ALOXE3: variants seen among roughly 807,000 people sequenced by gnomAD.
The protein encoded by ALOXE3 is arachidonate epidermal lipoxygenase 3, also known as hydroperoxide isomerase ALOXE3.
Under a neutral mutation model 87.5 loss-of-function variants are expected in ALOXE3, and 78 were observed. The observed-to-expected ratio is 0.89, with a 90% CI of 0.74 to 1.08. The LOEUF (loss-of-function observed/expected upper bound fraction) is 1.08. ALOXE3 is among the 50% of genes least tolerant of loss of function. ALOXE3 has a pLI of 0.00. For synonymous variants in ALOXE3, 363 were observed against 370.8 expected (o/e 0.98, Z 0.24); for missense variants, 946 against 912.4 (o/e 1.04, Z -0.47).
rs1442481924 is a variant in ALOXE3 at position 8,110,377 on chromosome 17, G to A, written c.1101+8C>T. 6.2e-7 allele frequency: 1 copy of A among 1,604,590 alleles called. No homozygotes were observed. The highest frequency in any genetic ancestry group is 2.2e-5 in the East Asian group (1 of 44,662). On this transcript the variant is annotated splice_region_variant and intron_variant, in intron 9 of 15. Transcript: ENST00000448843. ...GCCCCCATCCCGGGGCGGCGGCGCCGGGCTCACCTGGATGGCCAAGGGCAC... is the reference window on the plus strand; with the variant it reads ...GCCCCCATCCCGGGGCGGCGGCGCCAGGCTCACCTGGATGGCCAAGGGCAC...
At chr17:8,103,571 A>C in intron 14 of ALOXE3, 78 bp from the exon 15 acceptor site, 1 of 1,488,912 alleles carries the variant, frequency 6.7e-7, no homozygotes, top group Admixed American at 1.8e-5. Context: ...CCCTGATTCC[A>C]CCTCTGCCGT....
At chr17:8,112,361 G>A (rs1980172012) in intron 6 of ALOXE3, among the ~76,000 whole-genome samples, 165 bp from the exon 7 acceptor site, 1 of 152,130 alleles carries the variant, frequency 6.6e-6, no homozygotes, top group African/African-American at 2.4e-5. Flanking sequence ...AGGCTCTGTG[G>A]CCTCGGAAGA....
In ALOXE3 at chr17:8,109,327, C is replaced by T. The variant is rs755325552; in HGVS notation, c.1409G>A (p.Arg470Lys). 74 of 1,613,970 alleles carry T rather than the reference C, an allele frequency of 4.6e-5. No homozygotes were observed. The highest frequency in any genetic ancestry group is 3.1e-4 in the South Asian group (28 of 91,084). ...GLVDQVTSIGRQGLIYLMSTG... is the reference protein window; with the variant it reads ...GLVDQVTSIGKQGLIYLMSTG... ...GCTCATGAGGTAGATGAGGCCTTGC[C>T]TCCCGATGGACGTGACCTGAGGACA... The change falls in exon 12 of 16, where the codon AGG becomes AAG. Residue 470 changes from arginine (R) to lysine (K), a missense_variant. Physicochemically the swap from Arg to Lys is conservative, Grantham distance 26 (BLOSUM62 2). Transcript: ENST00000448843.
intron 15 of ALOXE3, among the ~76,000 whole-genome samples, chr17:8,100,804 T>C (rs1978876978): frequency 6.6e-6 from 1 of 151,884 alleles, no homozygotes; most frequent in African/African-American, 2.4e-5. Context: ...TTTCTAAAAC[T>C]GTAGTATAGC....
intron 12 of ALOXE3, among the ~76,000 whole-genome samples, 168 bp from the exon 13 acceptor site, chr17:8,108,757 C>T (rs1413560668): frequency 6.6e-6 from 1 of 152,096 alleles, no homozygotes; most frequent in Non-Finnish European, 1.5e-5. Flanking sequence ...CCTTAAGTCC[C>T]ACTCACTCCT....
Position 8,110,007 on chromosome 17 carries a change from G to A in ALOXE3, c.1306-5C>T, listed in dbSNP as rs1471223752. 1.9e-6 allele frequency: 3 copies of A among 1,557,682 alleles called. No individual in the cohort carries two copies. Among genetic ancestry groups the A allele is most frequent in the Admixed American group, 1.9e-5 (1 of 51,404 alleles). On this transcript the variant is annotated splice_polypyrimidine_tract_variant and splice_region_variant and intron_variant, in intron 10 of 15. Transcript: ENST00000448843. Reference sequence around the variant, plus strand: ...TCGAGTGTGGGGGAGTAGGAGCTGCGAGCGGAGCGGATCACGTGAGCTGAA... The same window carrying A: ...TCGAGTGTGGGGGAGTAGGAGCTGCAAGCGGAGCGGATCACGTGAGCTGAA...
chr17:8,111,530 C>T lies in ALOXE3; in HGVS notation c.786G>A (p.Lys262=), dbSNP rs961857445. ...IFWCHKTFTT[K]YVTEHWCEDH... is the part of the protein sequence containing the mutation. ...CTTCACACCAGTGCTCTGTGACATACTCTGGGATACAAGAGAGGGGACCAG... is the reference window on the plus strand; with the variant it reads ...CTTCACACCAGTGCTCTGTGACATATTCTGGGATACAAGAGAGGGGACCAG... Residue 262 remains lysine (K), a splice_region_variant and synonymous_variant, in exon 8 of 16, where the codon AAG becomes AAA. Transcript: ENST00000448843. The T allele has an allele frequency of 6.2e-7, 1 of 1,614,222 alleles. No homozygotes were observed. The highest frequency in any genetic ancestry group is 8.5e-7 in the Non-Finnish European group (1 of 1,180,044).
intron 15 of ALOXE3, among the ~76,000 whole-genome samples, chr17:8,102,534 A>G (rs1373173620): frequency 6.6e-6 from 1 of 152,166 alleles, no homozygotes; most frequent in African/African-American, 2.4e-5. Flanking sequence ...TTTGTCTTCT[A>G]AACGAACACT....
At chr17:8,109,397 T>A in intron 11 of ALOXE3, 54 bp from the exon 12 acceptor site, 1 of 1,599,428 alleles carries the variant, frequency 6.3e-7, no homozygotes, top group Non-Finnish European at 8.5e-7. Flanking sequence ...CACCCTAGTG[T>A]CTGGGCACGA....
In ALOXE3 at chr17:8,118,276, C is replaced by A. The variant is rs933414398; in HGVS notation, c.-286G>T. On this transcript the variant is annotated 5_prime_UTR_variant, in exon 2 of 16. Transcript: ENST00000448843. Reference sequence around the variant, plus strand: ...AGCCGGTCCCTCTGGCTGGCTCACCCAGATGGATATCAGGAGCCTGGGTTC... The same window carrying A: ...AGCCGGTCCCTCTGGCTGGCTCACCAAGATGGATATCAGGAGCCTGGGTTC... 2.2e-5 allele frequency: 34 copies of A among 1,551,738 alleles called. No homozygotes were observed. In the East Asian group the frequency reaches 2.4e-4, roughly 11 times the overall value.
At chr17:8,116,217 C>T (rs1193135140) in intron 3 of ALOXE3, among the ~76,000 whole-genome samples, 1 of 152,194 alleles carries the variant, frequency 6.6e-6, no homozygotes, top group Non-Finnish European at 1.5e-5. Context: ...CCCAGAGCAG[C>T]CCTACTGTTG....
At chr17:8,118,654 C>A (rs1980828601), upstream of ALOXE3, 3 of 1,537,296 alleles carry the variant, frequency 2.0e-6, no homozygotes, top group Middle Eastern at 1.7e-4. Flanking sequence ...CCGATCCCCC[C>A]ACGCATGGCC....
chr17:8,118,170 G>T lies in ALOXE3; in HGVS notation c.-180C>A, dbSNP rs750479073. 1 of 1,551,542 alleles carries T rather than the reference G, an allele frequency of 6.4e-7. No individual in the cohort carries two copies. Among genetic ancestry groups the T allele is most frequent in the South Asian group, 1.2e-5 (1 of 84,052 alleles). On this transcript the variant is annotated 5_prime_UTR_variant, in exon 2 of 16. Transcript: ENST00000448843. The stretch of plus-strand genomic sequence containing the variant: ...GGATGTTCCTGGGCTTTCTCTCTCC[G>T]AAGCTCCCTGCTGGCGGCTCGGGCT...
intron 13 of ALOXE3, among the ~76,000 whole-genome samples, chr17:8,107,859 A>AAGAGAGAGAGAGAGAGAGAGAGAG (rs1979489204): frequency 3.6e-4 from 1 of 2,776 alleles, no homozygotes; most frequent in Non-Finnish European, 8.2e-4. Flanking sequence ...GAAAGAAAGA[A>AAGAGAGAGAGAGAGAGAGAGAGAG]AGAAAGAAAG....
At chr17:8,102,730 C>T (rs1453407131) in intron 15 of ALOXE3, among the ~76,000 whole-genome samples, 1 of 152,200 alleles carries the variant, frequency 6.6e-6, no homozygotes, top group Admixed American at 6.5e-5. Flanking sequence ...GTCACTTTCT[C>T]CAAGAAGCCT....
chr17:8,111,622 G>T (rs1980098629), intron 7 of ALOXE3, 91 bp from the exon 8 acceptor site: 2 of 1,395,148 alleles, frequency 1.4e-6, no homozygotes, highest in South Asian at 1.2e-5. Context: ...TGTGGTTTAG[G>T]TTTTCTTCCC....
chr17:8,107,374 A>T (rs1979395794), intron 13 of ALOXE3, among the ~76,000 whole-genome samples: 1 of 152,150 alleles, frequency 6.6e-6, no homozygotes, highest in South Asian at 2.1e-4. Context: ...AAAATTAGCC[A>T]GATGTGGTGG....
chr17:8,107,841 G>GGTTGGTGGCTGGAGGGGCCACGTGGC (rs1567996056), intron 13 of ALOXE3, among the ~76,000 whole-genome samples: 32 of 2,546 alleles, frequency 0.013, no homozygotes, highest in Admixed American at 0.018. Context: ...AAGAAAGAAA[G>GGTTGGTGGCTGGAGGGGCCACGTGGC]AAAGAAAGAA....
Position 8,115,021 on chromosome 17 carries a change from T to C in ALOXE3, c.471A>G (p.Val157=). The C allele has an allele frequency of 1.2e-6, 2 of 1,614,012 alleles. No individual in the cohort carries two copies. The highest frequency in any genetic ancestry group is 2.2e-5 in the East Asian group (1 of 44,876). ...KIYAPGFPCM[V]DVNSFQEMES... is the part of the protein sequence containing the mutation. ...CCATCTCCTGAAAGCTGTTGACGTC[T>C]ACCATGCAGGGGAAGCCAGGGGCAT... The change falls in exon 5 of 16, where the codon GTA becomes GTG. Residue 157 remains valine (V), a synonymous_variant. Transcript: ENST00000448843.
Sources: allele counts gnomAD v4.1 joint callset (sites outside exome capture counted in the v4.1 genomes callset), GRCh38; gene constraint gnomAD v4.1.1; transcripts MANE v1.5; gene names NCBI Gene and HGNC (gene_info 2026-07-23, HGNC 2026-07-21).